Variants in AKAP13 observed in about 807,000 individuals in gnomAD.
AKAP13 encodes the protein A-kinase anchor protein 13.
AKAP13 carries 80 observed loss-of-function variants against 264.5 expected under a neutral mutation model. The ratio of observed to expected loss-of-function variants is 0.30; its 90% CI spans 0.25 to 0.36. The LOEUF is 0.36. Ranked by LOEUF, AKAP13 falls within the 10% of genes least tolerant of loss-of-function variation. The probability of loss-of-function intolerance (pLI) is 1.00; values close to 1 mark genes in which losing one functional copy is unlikely to be tolerated. For synonymous variants in AKAP13, 1,380 were observed against 1,250.2 expected (o/e 1.10, Z -2.19); for missense variants, 3,712 against 3,435.2 (o/e 1.08, Z -2.01).
At position 85,655,405 on chromosome 15, in the gene AKAP13, T is replaced by C. The variant is rs2083054006; in HGVS notation, c.4375-12T>C. The C allele has an allele frequency of 3.1e-6, 5 of 1,608,338 alleles. No individual in the cohort carries two copies. Among genetic ancestry groups the C allele is most frequent in the Non-Finnish European group, 4.3e-6 (5 of 1,175,900 alleles). ...GCTGGCTTCAACCATATGTGCTTTC[T>C]CTCCATTACAGCCAGAGGAAGAGCA... On this transcript the variant is annotated splice_polypyrimidine_tract_variant and intron_variant, in intron 10 of 36. Transcript: ENST00000394518.
intron 1 of AKAP13, among the ~76,000 whole-genome samples, chr15:85,427,253 C>T (rs923785918): frequency 1.3e-5 from 2 of 152,148 alleles, no homozygotes; most frequent in African/African-American, 4.8e-5. Context: ...CCGCGCCCGG[C>T]CTTAGTATTG....
intron 1 of AKAP13, among the ~76,000 whole-genome samples, chr15:85,456,998 G>A (rs913412432): frequency 2.6e-5 from 4 of 152,226 alleles, no homozygotes; most frequent in East Asian, 1.9e-4. Context: ...CAACTGTAGC[G>A]AGACATTCTA....
At chr15:85,498,058 G>A (rs2075923474) in intron 2 of AKAP13, among the ~76,000 whole-genome samples, 1 of 151,978 alleles carries the variant, frequency 6.6e-6, no homozygotes, top group Non-Finnish European at 1.5e-5. Context: ...TGGCCACTGA[G>A]GGTTTTAGTG....
intron 4 of AKAP13, among the ~76,000 whole-genome samples, chr15:85,540,655 A>G (rs7359282): frequency 0.24 from 36,484 of 152,172 alleles, 4,775 homozygotes; most frequent in African/African-American, 0.35. Context: ...ACACAAAAGG[A>G]AGAAAGCAGT....
chr15:85,517,481 A>G (rs922918150), intron 2 of AKAP13, among the ~76,000 whole-genome samples: 1 of 152,214 alleles, frequency 6.6e-6, no homozygotes, highest in Non-Finnish European at 1.5e-5. Flanking sequence ...TTGGTCTAGA[A>G]AAGGAAAATA....
intron 16 of AKAP13, among the ~76,000 whole-genome samples, chr15:85,686,676 CA>C (rs2084951277): frequency 6.6e-6 from 1 of 151,942 alleles, no homozygotes; most frequent in Non-Finnish European, 1.5e-5. Flanking sequence ...TATTGGCAGC[CA>C]GGCTTAAAAT....
At chr15:85,530,191 G>A (rs956338819) in intron 3 of AKAP13, among the ~76,000 whole-genome samples, 4 of 152,006 alleles carry the variant, frequency 2.6e-5, no homozygotes, top group Admixed American at 6.6e-5. Flanking sequence ...CACCCATCCC[G>A]CGTTGTTCTG....
chr15:85,730,795 T>G (rs2087944030), intron 30 of AKAP13, 88 bp downstream of exon 30: 1 of 1,223,080 alleles, frequency 8.2e-7, no homozygotes, highest in South Asian at 1.5e-5. Context: ...ACTTTTTTAC[T>G]TTAAAGCACA....
intron 8 of AKAP13, among the ~76,000 whole-genome samples, chr15:85,631,498 T>A (rs1243693476): frequency 9.5e-4 from 63 of 66,562 alleles, no homozygotes; most frequent in African/African-American, 2.9e-3. Context: ...TCTCTCTCTC[T>A]CTCTCACACA....
In AKAP13 at chr15:85,658,484, G is replaced by A. The variant is rs149373374; in HGVS notation, c.4746-53G>A. On this transcript the variant is annotated intron_variant, in intron 11 of 36. Transcript: ENST00000394518. ...TGGTGTCTGTATGTTTCATGCATTTGTATCCCATTTTGTTTCACCTGCAAC... is the reference window on the plus strand; with the variant it reads ...TGGTGTCTGTATGTTTCATGCATTTATATCCCATTTTGTTTCACCTGCAAC... 6.5e-5 allele frequency: 99 copies of A among 1,530,212 alleles called. 1 individual carries two copies. The Admixed American group carries it at 7.6e-4, about 12-fold the overall frequency. The allele number at this position is 1,530,212 out of a possible 1,614,324, so 94.8% of individuals were successfully genotyped here. A position where few individuals can be genotyped will look rare whatever the true frequency, so the allele number is the denominator to read the frequency against.
intron 7 of AKAP13, 93 bp from the exon 8 acceptor site, chr15:85,585,609 C>T: frequency 6.4e-7 from 1 of 1,556,934 alleles, no homozygotes; most frequent in Non-Finnish European, 8.8e-7. Flanking sequence ...AAAAGCAAAA[C>T]AAAACACATG....
intron 8 of AKAP13, among the ~76,000 whole-genome samples, chr15:85,608,874 C>G (rs1181188738): frequency 6.6e-6 from 1 of 152,178 alleles, no homozygotes; most frequent in East Asian, 1.9e-4. Flanking sequence ...TTTGTACTGC[C>G]TTTCTGAATG....
intron 1 of AKAP13, among the ~76,000 whole-genome samples, chr15:85,445,480 T>C (rs2073865947): frequency 6.6e-6 from 1 of 152,236 alleles, no homozygotes; most frequent in Non-Finnish European, 1.5e-5. Flanking sequence ...AATTTAGTTA[T>C]TTAGGATGTT....
chr15:85,596,952 G>T (rs2151348922), intron 8 of AKAP13, among the ~76,000 whole-genome samples: 1 of 152,214 alleles, frequency 6.6e-6, no homozygotes, highest in South Asian at 2.1e-4. Flanking sequence ...TGGTGGAGAG[G>T]CTAAGTAGTT....
intron 1 of AKAP13, among the ~76,000 whole-genome samples, chr15:85,403,755 C>T (rs1354619388): frequency 1.3e-5 from 2 of 151,172 alleles, no homozygotes; most frequent in Non-Finnish European, 2.9e-5. Context: ...GCAGGAGAAT[C>T]GCTTGAACCC....
intron 8 of AKAP13, among the ~76,000 whole-genome samples, chr15:85,600,297 A>G (rs2079998601): frequency 6.7e-6 from 1 of 148,294 alleles, no homozygotes; most frequent in African/African-American, 2.5e-5. Flanking sequence ...TAGAATGGGG[A>G]AGATGGGAAT....
chr15:85,482,914 C>G (rs1235902409), intron 1 of AKAP13, among the ~76,000 whole-genome samples: 1 of 152,154 alleles, frequency 6.6e-6, no homozygotes, highest in Non-Finnish European at 1.5e-5. Context: ...TTTTCAGCAG[C>G]CTGTGTTGCC....
At chr15:85,428,458 C>T (rs577237521) in intron 1 of AKAP13, among the ~76,000 whole-genome samples, 78 of 152,356 alleles carry the variant, frequency 5.1e-4, no homozygotes, top group African/African-American at 1.7e-3. Flanking sequence ...CTCGGCCTCC[C>T]AAAGTGCTGG....
chr15:85,614,759 G>A (rs191317404), intron 8 of AKAP13, among the ~76,000 whole-genome samples: 1 of 152,310 alleles, frequency 6.6e-6, no homozygotes, highest in East Asian at 1.9e-4. Flanking sequence ...GCTGTGTGAT[G>A]TTATATAACT....
Sources: allele counts gnomAD v4.1 joint callset (sites outside exome capture counted in the v4.1 genomes callset), GRCh38; gene constraint gnomAD v4.1.1; transcripts MANE v1.5; gene names NCBI Gene and HGNC (gene_info 2026-07-23, HGNC 2026-07-21).